The following CDH9 variants were observed in gnomAD, a reference collection of about 807,000 sequenced individuals.
CDH9 encodes cadherin 9, also known as cadherin-9.
A neutral mutation model predicts 70.9 loss-of-function variants in CDH9; 28 were observed. The ratio of observed to expected loss-of-function variants is 0.40; its 90% CI spans 0.29 to 0.54. The LOEUF is 0.54. Ranked by LOEUF, CDH9 falls within the 20% of genes least tolerant of loss-of-function variation. The pLI is 0.59. For synonymous variants in CDH9, 409 were observed against 343.1 expected (o/e 1.19, Z -2.12); for missense variants, 874 against 984.4 (o/e 0.89, Z 1.50).
At chr5:26,996,327 A>G (rs1742664696) in intron 1 of CDH9, among the ~76,000 whole-genome samples, 1 of 152,070 alleles carries the variant, frequency 6.6e-6, no homozygotes, top group African/African-American at 2.4e-5. Flanking sequence ...CGGTCATATA[A>G]TTTAAATATT....
At chr5:26,933,809 A>G (rs913254797) in intron 2 of CDH9, among the ~76,000 whole-genome samples, 1 of 151,862 alleles carries the variant, frequency 6.6e-6, no homozygotes, top group African/African-American at 2.4e-5. Flanking sequence ...AATAAAATAA[A>G]ACAAAATAAT....
intron 2 of CDH9, among the ~76,000 whole-genome samples, chr5:26,918,631 G>GCAATCACACCTCA (rs1741190032): frequency 6.6e-6 from 1 of 152,194 alleles, no homozygotes. Context: ...ACCTCAGTAT[G>GCAATCACACCTCA]GGTGACTAGT....
chr5:26,930,490 T>C (rs1335679665), intron 2 of CDH9, among the ~76,000 whole-genome samples: 1 of 152,118 alleles, frequency 6.6e-6, no homozygotes, highest in Non-Finnish European at 1.5e-5. Context: ...CATTCTATTT[T>C]TCATCCACGT....
chr5:26,885,668 C>T lies in CDH9; in HGVS notation c.1828G>A (p.Gly610Ser), dbSNP rs764882241. 1.4e-5 allele frequency: 22 copies of T among 1,613,514 alleles called. No homozygotes were observed. The highest frequency in any genetic ancestry group is 1.8e-5 in the Non-Finnish European group (21 of 1,179,832). Residue 610 changes from glycine (G) to serine (S), a missense_variant, in exon 11 of 12, where the codon GGC becomes AGC. By Grantham distance (56) the Gly-to-Ser change is moderately conservative. Transcript: ENST00000231021. ...GCAACGAGAGCTCCCGTGCTCAGGC[C>T]GGCTGAAAGGATCAGGGCTTCTGCG... Reference protein sequence around the residue: ...CTAEALILSAGLSTGALVAIL... With the variant: ...CTAEALILSASLSTGALVAIL...
At chr5:27,008,865 CCAAGG>C (rs925215727) in intron 1 of CDH9, among the ~76,000 whole-genome samples, 3 of 152,068 alleles carry the variant, frequency 2.0e-5, no homozygotes, top group African/African-American at 7.2e-5. Flanking sequence ...TCTACCTCTG[CCAAGG>C]CAAGGAAAAA....
chr5:26,941,331 C>A (rs1283081238), intron 2 of CDH9, among the ~76,000 whole-genome samples: 1 of 152,164 alleles, frequency 6.6e-6, no homozygotes, highest in Non-Finnish European at 1.5e-5. Flanking sequence ...GGAGGTAATT[C>A]TTCCATATGA....
At position 26,915,969 on chromosome 5, in the gene CDH9, T is replaced by C. The variant is rs780946823; in HGVS notation, c.229-45A>G. ...AAGAGTTCTGTAAATATATACATTATCATTACATAAAACATAATTTTGGCG... is the reference window on the plus strand; with the variant it reads ...AAGAGTTCTGTAAATATATACATTACCATTACATAAAACATAATTTTGGCG... On this transcript the variant is annotated intron_variant, in intron 2 of 11. Transcript: ENST00000231021. The C allele has an allele frequency of 3.0e-6, 4 of 1,316,028 alleles. 1 individual carries two copies. Among genetic ancestry groups the C allele is most frequent in the Middle Eastern group, 1.9e-4 (1 of 5,242 alleles). 81.5% of individuals were successfully genotyped at this position (1,316,028 alleles called of 1,614,324 possible).
intron 1 of CDH9, among the ~76,000 whole-genome samples, chr5:26,989,068 A>G (rs1042291941): frequency 2.0e-5 from 3 of 152,090 alleles, no homozygotes; most frequent in Non-Finnish European, 4.4e-5. Flanking sequence ...TTACATGGTA[A>G]TTAAGAACAA....
intron 2 of CDH9, among the ~76,000 whole-genome samples, chr5:26,930,725 A>C (rs1741447720): frequency 6.6e-6 from 1 of 152,104 alleles, no homozygotes; most frequent in African/African-American, 2.4e-5. Flanking sequence ...AGCTATTCTT[A>C]ACTTTTCTTA....
At chr5:26,950,695 A>G (rs907360790) in intron 2 of CDH9, among the ~76,000 whole-genome samples, 6 of 152,238 alleles carry the variant, frequency 3.9e-5, no homozygotes, top group Non-Finnish European at 7.3e-5. Context: ...GAGATCAAAT[A>G]ACTATGGTAG....
intron 2 of CDH9, among the ~76,000 whole-genome samples, chr5:26,977,784 A>T (rs1477844031): frequency 6.6e-6 from 1 of 152,074 alleles, no homozygotes; most frequent in Non-Finnish European, 1.5e-5. Flanking sequence ...ACACAGTAAG[A>T]CACAAGTAAG....
chr5:26,959,825 T>C (rs1410935812), intron 2 of CDH9, among the ~76,000 whole-genome samples: 1 of 151,904 alleles, frequency 6.6e-6, no homozygotes, highest in Non-Finnish European at 1.5e-5. Flanking sequence ...GGTAAATACA[T>C]TGTGGCAGAA....
At chr5:26,979,511 C>T (rs553956514) in intron 2 of CDH9, among the ~76,000 whole-genome samples, 5 of 151,520 alleles carry the variant, frequency 3.3e-5, no homozygotes, top group African/African-American at 7.3e-5. Flanking sequence ...AACAAGAAAA[C>T]GGCAGACTTA....
chr5:26,948,426 T>G (rs1389917654), intron 2 of CDH9, among the ~76,000 whole-genome samples: 2 of 152,180 alleles, frequency 1.3e-5, no homozygotes, highest in African/African-American at 4.8e-5. Flanking sequence ...CTTGAAAATA[T>G]CTGTGGTTAC....
intron 2 of CDH9, among the ~76,000 whole-genome samples, chr5:26,979,676 A>AT (rs1742366371): frequency 6.6e-6 from 1 of 151,824 alleles, no homozygotes; most frequent in African/African-American, 2.4e-5. Context: ...CTTATACAGA[A>AT]AGGCTGAGAG....
intron 2 of CDH9, among the ~76,000 whole-genome samples, chr5:26,939,133 T>G (rs1741615391): frequency 6.6e-6 from 1 of 151,890 alleles, no homozygotes; most frequent in Admixed American, 6.6e-5. Context: ...ATTGTAAATA[T>G]GTCGATTCTC....
At chr5:26,902,095 A>G (rs1184501936) in intron 7 of CDH9, among the ~76,000 whole-genome samples, 1 of 151,944 alleles carries the variant, frequency 6.6e-6, no homozygotes, top group Non-Finnish European at 1.5e-5. Context: ...GCAACAATAA[A>G]GGTATTAAAA....
chr5:26,906,065 A>G lies in CDH9; in HGVS notation c.705T>C (p.Val235=). The change falls in exon 5 of 12, where the codon GTT becomes GTC. Residue 235 remains valine, a synonymous_variant. Coordinates refer to ENST00000231021, the MANE Select transcript of CDH9 (RefSeq NM_016279.4). ...GGCCACCCATGTCTTTGGCCTGTAT[A>G]ACAACCTGGTACTGCTCTCTATTTT... The part of the protein sequence containing the change: ...SRENREQYQV[V]IQAKDMGGQM... The G allele has an allele frequency of 1.2e-6, 2 of 1,613,850 alleles. No homozygotes were observed. Among genetic ancestry groups the G allele is most frequent in the Non-Finnish European group, 1.7e-6 (2 of 1,179,696 alleles).
chr5:26,947,698 T>TGA (rs1741777511), intron 2 of CDH9, among the ~76,000 whole-genome samples: 1 of 152,100 alleles, frequency 6.6e-6, no homozygotes, highest in Admixed American at 6.5e-5. Context: ...TACGAAGAAA[T>TGA]GCTGTTTTAG....
Sources: gnomAD v4.1 joint callset for allele counts (sites outside exome capture counted in the v4.1 genomes callset) on GRCh38, gnomAD v4.1.1 for gene constraint, MANE v1.5 for transcripts, NCBI Gene and HGNC (gene_info 2026-07-23, HGNC 2026-07-21) for gene names.